Variants in DLGAP1 observed in about 807,000 individuals in gnomAD.
DLGAP1 encodes DLG associated protein 1.
DLGAP1 carries 11 observed loss-of-function variants against 90.8 expected under a neutral mutation model. The ratio of observed to expected loss-of-function variants is 0.12; its 90% confidence interval spans 0.08 to 0.20. DLGAP1 has a LOEUF of 0.20. Among genes scored for constraint, DLGAP1 ranks in the 10% least tolerant of loss-of-function variants. The pLI, the probability that DLGAP1 is intolerant of heterozygous loss-of-function variation, is 1.00. For synonymous variants in DLGAP1, 558 were observed against 540.7 expected (o/e 1.03, Z -0.44); for missense variants, 1,050 against 1,333.8 (o/e 0.79, Z 3.31).
intron 3 of DLGAP1, among the ~76,000 whole-genome samples, chr18:3,941,702 T>C (rs1334260238): frequency 6.6e-6 from 1 of 152,188 alleles, no homozygotes; most frequent in African/African-American, 2.4e-5. Flanking sequence ...GTACATAACA[T>C]TATATTGTAA....
intron 7 of DLGAP1, among the ~76,000 whole-genome samples, chr18:3,615,173 C>T (rs561156339): frequency 1.3e-5 from 2 of 152,100 alleles, no homozygotes; most frequent in Non-Finnish European, 2.9e-5. Flanking sequence ...CCGCCAGCCT[C>T]GGCCTCTCAA....
intron 1 of DLGAP1, among the ~76,000 whole-genome samples, chr18:4,287,865 TA>T (rs1421425768): frequency 2.0e-5 from 3 of 151,184 alleles, no homozygotes; most frequent in Non-Finnish European, 4.4e-5. Context: ...AGAAAAATTT[TA>T]AAAAATAAAA....
intron 7 of DLGAP1, among the ~76,000 whole-genome samples, chr18:3,622,477 T>C (rs186542760): frequency 2.2e-4 from 33 of 152,286 alleles, no homozygotes; most frequent in Admixed American, 7.8e-4. Context: ...CTCTCAAAGA[T>C]TGGCTCTGTC....
chr18:3,612,274 A>T (rs1265899992), intron 7 of DLGAP1, among the ~76,000 whole-genome samples: 1 of 152,220 alleles, frequency 6.6e-6, no homozygotes, highest in African/African-American at 2.4e-5. Flanking sequence ...ATCTCTATAA[A>T]CATCTGGTTT....
chr18:4,250,204 T>C (rs893084524), intron 1 of DLGAP1, among the ~76,000 whole-genome samples: 4 of 152,124 alleles, frequency 2.6e-5, no homozygotes, highest in Non-Finnish European at 4.4e-5. Context: ...ACAACAGCAA[T>C]TTCAAAAAAG....
In DLGAP1 at chr18:4,121,142, G is replaced by C. The variant is rs114584120; in HGVS notation, c.-159+30038C>G. On this transcript the variant is annotated intron_variant, in intron 2 of 12. Coordinates refer to ENST00000315677, the MANE Select transcript of DLGAP1 (RefSeq NM_004746.4). The stretch of plus-strand genomic sequence containing the variant: ...GTGGGATAGAGATTGGGCCATGCCA[G>C]TTAGGCCATTAGGAAAGACCTGTTT... Among the ~76,000 whole-genome samples, 1,253 of 152,322 alleles carry C rather than the reference G, an allele frequency of 8.2e-3. 16 individuals are homozygous for C. Among genetic ancestry groups the C allele is most frequent in the Middle Eastern group, 0.034 (10 of 294 alleles).
At chr18:4,206,886 G>C (rs2144854153) in intron 1 of DLGAP1, among the ~76,000 whole-genome samples, 1 of 152,176 alleles carries the variant, frequency 6.6e-6, no homozygotes, top group East Asian at 1.9e-4. Flanking sequence ...AGGAAGACAT[G>C]AAGCTGAGAG....
Position 3,565,601 on chromosome 18 carries a change from C to G in DLGAP1, c.2057+1889G>C, listed in dbSNP as rs1416957801. Among the ~76,000 whole-genome samples, 1 of 151,970 alleles carries G rather than the reference C, an allele frequency of 6.6e-6. No individual in the cohort carries two copies. Among genetic ancestry groups the G allele is most frequent in the East Asian group, 1.9e-4 (1 of 5,142 alleles). ...CTGTAATCCCAGCACTTTGGGAAGC[C>G]AAGGCGGGTGGATCACAAGGTCAAG... On this transcript the variant is annotated intron_variant, in intron 9 of 12. Transcript: ENST00000315677. This position sits in a 1 kb window ranked among gnomAD's most constrained non-coding sequence, Gnocchi z 4.0.
In DLGAP1 at chr18:4,147,576, TCCATCCA is replaced by T. The variant is rs2076606171; in HGVS notation, c.-159+3597_-159+3603del. 3.4e-4 allele frequency among the ~76,000 whole-genome samples: 4 copies of T among 11,938 alleles called. No homozygotes were observed. The Admixed American group carries it at 3.4e-3, about 10-fold the overall frequency. The allele number at this position is 11,938 out of a possible 152,430, so 7.8% of individuals were successfully genotyped here. On this transcript the variant is annotated intron_variant, in intron 2 of 12. Coordinates refer to ENST00000315677, the MANE Select transcript of DLGAP1 (RefSeq NM_004746.4). ...CTAAACCTGTTCATCCATTCTTCCA[TCCATCCA>T]TCCATCCATCCATCCATCCATCCAT...
chr18:4,185,236 AACAAG>A (rs762767865), intron 1 of DLGAP1, among the ~76,000 whole-genome samples: 2 of 151,134 alleles, frequency 1.3e-5, no homozygotes, highest in Non-Finnish European at 2.9e-5. Flanking sequence ...TTCTATTTTA[AACAAG>A]ATTTTCATGA....
At chr18:3,719,522 A>AC (rs907190077) in intron 7 of DLGAP1, among the ~76,000 whole-genome samples, 15 of 140,484 alleles carry the variant, frequency 1.1e-4, no homozygotes, top group African/African-American at 4.2e-4. Context: ...GCGCCACTGC[A>AC]CTCCAGCCTG....
chr18:3,962,767 C>T lies in DLGAP1; in HGVS notation c.-73+42349G>A, dbSNP rs77151295. 5.9e-4 allele frequency among the ~76,000 whole-genome samples: 90 copies of T among 152,216 alleles called. 1 individual carries two copies. In the East Asian group the frequency reaches 0.015, roughly 25 times the overall value. ...CTTTGGACTGACAGCGTGTATCTCC[C>T]AGGAGTTTTAAAAAGAGTGGCTTGG... On this transcript the variant is annotated intron_variant, in intron 3 of 12. Coordinates refer to ENST00000315677, the MANE Select transcript of DLGAP1 (RefSeq NM_004746.4).
chr18:4,048,813 C>A (rs1335443644), intron 2 of DLGAP1, among the ~76,000 whole-genome samples: 1 of 152,238 alleles, frequency 6.6e-6, no homozygotes, highest in Non-Finnish European at 1.5e-5. Flanking sequence ...ATCTCTAAGA[C>A]AACAATTTCT....
chr18:4,361,776 C>T (rs1053641196), intron 1 of DLGAP1, among the ~76,000 whole-genome samples: 1 of 151,902 alleles, frequency 6.6e-6, no homozygotes, highest in Non-Finnish European at 1.5e-5. Context: ...AAGACAGTAA[C>T]AGCAGAGAAA....
intron 2 of DLGAP1, among the ~76,000 whole-genome samples, chr18:4,042,914 T>C (rs896250710): frequency 1.3e-5 from 2 of 152,206 alleles, no homozygotes; most frequent in Non-Finnish European, 1.5e-5. Context: ...AGTTTATATA[T>C]GATTAATAGT....
At chr18:3,619,966 GCCACCATGCCTGGCCA>G (rs143227975) in intron 7 of DLGAP1, among the ~76,000 whole-genome samples, 6,476 of 151,370 alleles carry the variant, frequency 0.043, 432 homozygotes, top group African/African-American at 0.15. Context: ...ATAGGTGCAT[GCCACCATGCCTGGCCA>G]CCTGCTGGAG....
intron 5 of DLGAP1, among the ~76,000 whole-genome samples, chr18:3,777,883 C>CAG (rs1296048229): frequency 5.3e-5 from 8 of 152,094 alleles, no homozygotes; most frequent in Non-Finnish European, 1.2e-4. Context: ...GATCTAAAGT[C>CAG]AGAGTCCTGG....
chr18:4,328,055 T>C (rs951574263), intron 1 of DLGAP1, among the ~76,000 whole-genome samples: 2 of 151,932 alleles, frequency 1.3e-5, no homozygotes, highest in Admixed American at 6.6e-5. Context: ...TAAGAGCTCA[T>C]TTATCTTTCC....
At chr18:3,688,544 C>T (rs1323845311) in intron 7 of DLGAP1, among the ~76,000 whole-genome samples, 1 of 151,392 alleles carries the variant, frequency 6.6e-6, no homozygotes, top group Admixed American at 6.6e-5. Flanking sequence ...GAACAAACTT[C>T]AGAATGTTAC....
Sources: allele counts gnomAD v4.1 joint callset (sites outside exome capture counted in the v4.1 genomes callset), GRCh38; gene constraint gnomAD v4.1.1; non-coding constraint Gnocchi (gnomAD v3.1); transcripts MANE v1.5; gene names NCBI Gene and HGNC (gene_info 2026-07-23, HGNC 2026-07-21).